Variants in TTC28 observed in about 807,000 individuals in gnomAD.
The protein encoded by TTC28 is tetratricopeptide repeat domain 28, also known as tetratricopeptide repeat protein 28.
A neutral mutation model predicts 198.0 loss-of-function variants in TTC28; 61 were observed. The ratio of observed to expected loss-of-function variants is 0.31; its 90% CI spans 0.25 to 0.38. The LOEUF is 0.38. Among genes scored for constraint, TTC28 ranks in the 10% least tolerant of loss-of-function variants. The probability of loss-of-function intolerance (pLI) is 1.00; values close to 1 mark genes in which losing one functional copy is unlikely to be tolerated. For synonymous variants in TTC28, 1,171 were observed against 1,297.8 expected (o/e 0.90, Z 2.10); for missense variants, 2,678 against 3,164.0 (o/e 0.85, Z 3.69).
chr22:28,027,815 C>G (rs570276205), intron 13 of TTC28, among the ~76,000 whole-genome samples: 27 of 152,370 alleles, frequency 1.8e-4, no homozygotes, highest in Admixed American at 1.3e-3. Context: ...CAGGGACAGG[C>G]TGGCAGGGAA....
chr22:27,993,401 C>T lies in TTC28; in HGVS notation c.5362G>A (p.Val1788Met). 1 of 1,551,370 alleles carries T rather than the reference C, an allele frequency of 6.4e-7. No individual in the cohort carries two copies. Among genetic ancestry groups the T allele is most frequent in the South Asian group, 1.2e-5 (1 of 84,056 alleles). The change falls in exon 18 of 23, where the codon GTG becomes ATG. Residue 1788 changes from valine (V) to methionine (M), a missense_variant. Around this residue, in one of 8 missense-constraint regions of TTC28, gnomAD observed 314 missense variants for 442.7 expected, o/e 0.71. Transcript: ENST00000397906. ...GTTGGGGGGTCCAGCCGGAAGCCCA[C>T]AGCGGTGAGGAGGGCCTGCCAGCCA... ...IPGWQALLTA[V>M]GFRLDPPTSG...
At chr22:28,663,052 T>C (rs1040598889) in intron 1 of TTC28, among the ~76,000 whole-genome samples, 10 of 151,748 alleles carry the variant, frequency 6.6e-5, no homozygotes, top group East Asian at 1.9e-4. Flanking sequence ...ATCGAGACCA[T>C]CCTGGCTAAC....
At chr22:28,534,064 T>C (rs1366809804) in intron 2 of TTC28, among the ~76,000 whole-genome samples, 1 of 152,148 alleles carries the variant, frequency 6.6e-6, no homozygotes, top group Admixed American at 6.5e-5. Flanking sequence ...ACAAATGGGA[T>C]CTAACTAAAG....
intron 2 of TTC28, among the ~76,000 whole-genome samples, chr22:28,345,854 T>C (rs1402314576): frequency 6.6e-6 from 1 of 152,176 alleles, no homozygotes; most frequent in Non-Finnish European, 1.5e-5. Flanking sequence ...GTATTTAAAA[T>C]AAATGGGAAT....
At chr22:28,478,919 T>C (rs1033043846) in intron 2 of TTC28, among the ~76,000 whole-genome samples, 8 of 152,206 alleles carry the variant, frequency 5.3e-5, no homozygotes, top group African/African-American at 1.7e-4. Flanking sequence ...TCTCAGGACT[T>C]AGCACTATCT....
At chr22:28,630,118 G>A (rs949936695) in intron 1 of TTC28, among the ~76,000 whole-genome samples, 1 of 152,032 alleles carries the variant, frequency 6.6e-6, no homozygotes, top group Non-Finnish European at 1.5e-5. Context: ...CTCTCACTTT[G>A]TGATCTCTGC....
chr22:28,079,333 ATATG>A (rs1941263313), intron 12 of TTC28, among the ~76,000 whole-genome samples: 1 of 150,560 alleles, frequency 6.6e-6, no homozygotes, highest in African/African-American at 2.5e-5. Flanking sequence ...GATTGATTAA[ATATG>A]TATTTTTAAA....
chr22:28,359,218 C>A (rs1028574323), intron 2 of TTC28, among the ~76,000 whole-genome samples: 1 of 152,042 alleles, frequency 6.6e-6, no homozygotes, highest in South Asian at 2.1e-4. Flanking sequence ...AAAAGAAGTA[C>A]AAAAAACTGT....
rs182753717 is a variant in TTC28, at chr22:28,590,331, A to G, written c.381+39221T>C. Among the ~76,000 whole-genome samples, 366 of 151,898 alleles carry G rather than the reference A, an allele frequency of 2.4e-3. 3 individuals carry two copies. The Middle Eastern group carries it at 0.044, about 18-fold the overall frequency. On this transcript the variant is annotated intron_variant, in intron 2 of 22. Coordinates refer to ENST00000397906, the MANE Select transcript of TTC28 (RefSeq NM_001145418.2). ...TTTTTAGTAGAGACGGGGTTTCACCATGTTAGCCAGGATGGTCTCAATCTC... is the reference window on the plus strand; with the variant it reads ...TTTTTAGTAGAGACGGGGTTTCACCGTGTTAGCCAGGATGGTCTCAATCTC...
intron 2 of TTC28, among the ~76,000 whole-genome samples, chr22:28,567,485 T>C (rs1487705112): frequency 1.8e-5 from 2 of 110,576 alleles, no homozygotes; most frequent in Non-Finnish European, 3.7e-5. Flanking sequence ...CATACATATA[T>C]ATATATATAT....
At chr22:28,275,106 A>G (rs940052755) in intron 5 of TTC28, among the ~76,000 whole-genome samples, 3 of 152,174 alleles carry the variant, frequency 2.0e-5, no homozygotes, top group Non-Finnish European at 2.9e-5. Context: ...TGATACATTA[A>G]ATATTTAGCA....
At chr22:28,079,329 T>C (rs1569124987) in intron 12 of TTC28, among the ~76,000 whole-genome samples, 1 of 152,152 alleles carries the variant, frequency 6.6e-6, no homozygotes, top group East Asian at 1.9e-4. Flanking sequence ...AGTGGATTGA[T>C]TAAATATGTA....
At chr22:28,638,203 A>G (rs2051306525) in intron 1 of TTC28, among the ~76,000 whole-genome samples, 1 of 152,142 alleles carries the variant, frequency 6.6e-6, no homozygotes, top group African/African-American at 2.4e-5. Context: ...GACCAAATGG[A>G]CCCAACAGAC....
chr22:28,330,001 C>A (rs974128144), intron 2 of TTC28, among the ~76,000 whole-genome samples: 1 of 152,172 alleles, frequency 6.6e-6, no homozygotes, highest in Non-Finnish European at 1.5e-5. Context: ...TGCCAACAGG[C>A]ACAGGAAGCT....
At chr22:28,127,265 A>C (rs185077913) in intron 6 of TTC28, among the ~76,000 whole-genome samples, 45 of 152,296 alleles carry the variant, frequency 3.0e-4, no homozygotes, top group Non-Finnish European at 8.8e-5. Flanking sequence ...CTGGAATCTT[A>C]AGTCATTTTG....
chr22:28,272,704 T>A (rs1195045785), intron 5 of TTC28, among the ~76,000 whole-genome samples: 1 of 152,180 alleles, frequency 6.6e-6, no homozygotes, highest in Non-Finnish European at 1.5e-5. Flanking sequence ...TATCAAGGTA[T>A]TTGGGATGGA....
chr22:27,983,761 G>A lies in TTC28; in HGVS notation c.5906C>T (p.Pro1969Leu). The A allele has an allele frequency of 6.4e-7, 1 of 1,551,740 alleles. No individual in the cohort carries two copies. Residue 1969 changes from proline (P) to leucine (L), a missense_variant, in exon 23 of 23, where the codon CCC (proline) becomes CTC (leucine). Pro to Leu is a moderately conservative substitution (Grantham distance 98). Around this residue, in one of 8 missense-constraint regions of TTC28, gnomAD observed 314 missense variants for 442.7 expected, o/e 0.71. Coordinates refer to ENST00000397906, the MANE Select transcript of TTC28 (RefSeq NM_001145418.2). ...ASAQSVSNAL[P>L]LGYQQPPFSP... Reference sequence around the variant, plus strand: ...GAAGGGGGGTTGCTGGTAACCCAAGGGCAGGGCGTTGGAAACAGACTGAGC... The same window carrying A: ...GAAGGGGGGTTGCTGGTAACCCAAGAGCAGGGCGTTGGAAACAGACTGAGC...
At chr22:28,541,904 G>A (rs777345451) in intron 2 of TTC28, among the ~76,000 whole-genome samples, 1 of 151,866 alleles carries the variant, frequency 6.6e-6, no homozygotes, top group Non-Finnish European at 1.5e-5. Context: ...AATATAGCAA[G>A]ACCCCCATGT....
At chr22:28,224,731 C>T (rs1162787486) in intron 5 of TTC28, among the ~76,000 whole-genome samples, 2 of 152,112 alleles carry the variant, frequency 1.3e-5, no homozygotes, top group African/African-American at 4.8e-5. Context: ...AAAGTGATCT[C>T]CCCTTCATTC....
Sources: allele counts gnomAD v4.1 joint callset (sites outside exome capture counted in the v4.1 genomes callset), GRCh38; gene constraint gnomAD v4.1.1; regional missense constraint gnomAD v4.1.1; transcripts MANE v1.5; gene names NCBI Gene and HGNC (gene_info 2026-07-23, HGNC 2026-07-21).